SCAF8: variants seen among roughly 807,000 people sequenced by gnomAD.
SCAF8 encodes the protein SR-related and CTD-associated factor 8.
Under a neutral mutation model 140.5 loss-of-function variants are expected in SCAF8, and 23 were observed. The ratio of observed to expected loss-of-function variants is 0.16; its 90% confidence interval spans 0.12 to 0.23. The LOEUF (loss-of-function observed/expected upper bound fraction) is 0.23, where lower values mean the gene tolerates loss of function less well. SCAF8 is among the 10% of genes least tolerant of loss of function. The pLI is 1.00. For missense variants in SCAF8, 1,397 were observed against 1,555.7 expected (o/e 0.90, Z 1.72); for synonymous variants, 575 against 528.9 (o/e 1.09, Z -1.20).
chr6:154,796,353 T>TTCCCTCTCTCTCTCTCTCTCTCTCTC (rs772760237), intron 6 of SCAF8, among the ~76,000 whole-genome samples: 5 of 75,248 alleles, frequency 6.6e-5, no homozygotes, highest in Middle Eastern at 6.3e-3. Flanking sequence ...TGCAATCCTG[T>TTCCCTCTCTCTCTCTCTCTCTCTCTC]TCTCTCTCTC....
intron 1 of SCAF8, among the ~76,000 whole-genome samples, chr6:154,767,414 G>A (rs1776608825): frequency 6.7e-6 from 1 of 149,716 alleles, no homozygotes; most frequent in Non-Finnish European, 1.5e-5. Context: ...ACTTTCATCT[G>A]CAAAAACCTG....
Position 154,733,744 on chromosome 6 carries a change from G to T in SCAF8, c.-157G>T. 1 of 1,333,222 alleles carries T rather than the reference G, an allele frequency of 7.5e-7. No individual in the cohort carries two copies. The highest frequency in any genetic ancestry group is 9.6e-7 in the Non-Finnish European group (1 of 1,045,304). 82.6% of individuals were successfully genotyped at this position (1,333,222 alleles called of 1,614,324 possible). ...GCTGAGGGAGCCCTTCCCCGCCAGC[G>T]CGTGCCCTTCCACTCCGCCCCGAGG... On this transcript the variant is annotated 5_prime_UTR_variant, in exon 1 of 20. Transcript: ENST00000367178.
At chr6:154,794,938 T>TA in intron 5 of SCAF8, 71 bp from the exon 6 acceptor site, 1 of 1,367,764 alleles carries the variant, frequency 7.3e-7, no homozygotes, top group South Asian at 1.4e-5. Context: ...TAAAACAAGT[T>TA]ATTCTGCTTT....
At chr6:154,791,154 C>G (rs755234338) in intron 4 of SCAF8, among the ~76,000 whole-genome samples, 1 of 152,162 alleles carries the variant, frequency 6.6e-6, no homozygotes, top group Non-Finnish European at 1.5e-5. Context: ...GCATATTTTT[C>G]TGCCTATTAA....
chr6:154,769,634 T>C (rs1776679652), intron 1 of SCAF8, among the ~76,000 whole-genome samples: 1 of 152,244 alleles, frequency 6.6e-6, no homozygotes, highest in Non-Finnish European at 1.5e-5. Flanking sequence ...ATACGATGTT[T>C]CTGTGAAAAC....
At chr6:154,733,388 G>A (rs763255637), upstream of SCAF8, 2 of 1,347,074 alleles carry the variant, frequency 1.5e-6, no homozygotes, top group South Asian at 3.6e-5. Flanking sequence ...GCGGATCCCC[G>A]AACTGCGCGG....
At position 154,762,443 on chromosome 6, in the gene SCAF8, T is replaced by G. The variant is rs1043404760; in HGVS notation, c.31-11546T>G. On this transcript the variant is annotated intron_variant, in intron 1 of 19. Transcript: ENST00000367178. Reference sequence around the variant, plus strand: ...TCAGTTTCTAGTGGCTACCCTCATGTCCTAGTAGCCATTGGTCCCATTTCT... The same window carrying G: ...TCAGTTTCTAGTGGCTACCCTCATGGCCTAGTAGCCATTGGTCCCATTTCT... Among the ~76,000 whole-genome samples, 25 of 152,244 alleles carry G rather than the reference T, an allele frequency of 1.6e-4. 1 individual carries two copies. Among genetic ancestry groups the G allele is most frequent in the African/African-American group, 5.5e-4 (23 of 41,530 alleles).
At chr6:154,759,351 G>C (rs914830406) in intron 1 of SCAF8, among the ~76,000 whole-genome samples, 1 of 152,156 alleles carries the variant, frequency 6.6e-6, no homozygotes, top group African/African-American at 2.4e-5. Context: ...TTTGGTTTTA[G>C]GGGAGAGTTG....
At chr6:154,810,878 C>T (rs530199923) in intron 12 of SCAF8, among the ~76,000 whole-genome samples, 4 of 152,124 alleles carry the variant, frequency 2.6e-5, no homozygotes, top group South Asian at 2.1e-4. Context: ...TACATAAAAT[C>T]GAACAAATTG....
At chr6:154,796,355 C>CCCTCTCTCTG (rs774665105) in intron 6 of SCAF8, among the ~76,000 whole-genome samples, 1 of 86,596 alleles carries the variant, frequency 1.2e-5, no homozygotes, top group African/African-American at 5.0e-5. Context: ...CAATCCTGTT[C>CCCTCTCTCTG]TCTCTCTCTC....
At chr6:154,790,873 G>T (rs1054493492) in intron 4 of SCAF8, among the ~76,000 whole-genome samples, 1 of 151,996 alleles carries the variant, frequency 6.6e-6, no homozygotes, top group African/African-American at 2.4e-5. Flanking sequence ...GTGGCATCAC[G>T]ATAGTAGTAA....
intron 4 of SCAF8, among the ~76,000 whole-genome samples, chr6:154,792,399 C>A (rs1310276472): frequency 1.3e-5 from 2 of 152,154 alleles, no homozygotes; most frequent in Admixed American, 1.3e-4. Context: ...CTTTGTCCTA[C>A]AAGTTACGTA....
intron 1 of SCAF8, among the ~76,000 whole-genome samples, chr6:154,740,529 CTG>C (rs1017268993): frequency 6.6e-6 from 1 of 151,994 alleles, no homozygotes; most frequent in Non-Finnish European, 1.5e-5. Flanking sequence ...AGGACAGTGA[CTG>C]TATTTCCTTT....
intron 1 of SCAF8, among the ~76,000 whole-genome samples, chr6:154,750,998 G>C (rs1024246199): frequency 1.3e-5 from 2 of 152,208 alleles, no homozygotes; most frequent in Non-Finnish European, 2.9e-5. Flanking sequence ...AAGGTGGACT[G>C]TGTGGATCCC....
intron 15 of SCAF8, 120 bp from the exon 16 acceptor site, chr6:154,822,156 A>G (rs1308353487): frequency 9.9e-7 from 1 of 1,012,000 alleles, no homozygotes; most frequent in African/African-American, 1.6e-5. Context: ...ACGGTTGTGG[A>G]TATATCTTAA....
intron 13 of SCAF8, among the ~76,000 whole-genome samples, chr6:154,817,076 A>G (rs1396416578): frequency 2.0e-5 from 3 of 152,178 alleles, no homozygotes; most frequent in Non-Finnish European, 2.9e-5. Flanking sequence ...TTCAGAGTCT[A>G]TAATCATATA....
chr6:154,809,243 G>C (rs1480329215), intron 11 of SCAF8, among the ~76,000 whole-genome samples: 1 of 152,048 alleles, frequency 6.6e-6, no homozygotes, highest in Non-Finnish European at 1.5e-5. Context: ...TTCTTTATGA[G>C]CTTAACTTAA....
rs376538337 is a variant in SCAF8, at chr6:154,833,170, T to C, written c.3591T>C (p.Asp1197=). The C allele has an allele frequency of 1.9e-6, 3 of 1,614,000 alleles. No homozygotes were observed. Among genetic ancestry groups the C allele is most frequent in the Non-Finnish European group, 2.5e-6 (3 of 1,180,006 alleles). The change falls in exon 20 of 20, where the codon GAT becomes GAC. Residue 1197 remains aspartate (D), a synonymous_variant. Transcript: ENST00000367178. ...WVPPPHARVF[D]YFEGATSQRK... ...CCCCTCCTCATGCTCGGGTTTTTGA[T>C]TATTTTGAAGGGGCCACTTCTCAAC...
intron 1 of SCAF8, among the ~76,000 whole-genome samples, chr6:154,768,898 A>G (rs1209041158): frequency 2.0e-5 from 3 of 152,190 alleles, no homozygotes; most frequent in African/African-American, 7.2e-5. Flanking sequence ...CCCTGTCTCT[A>G]CTAAAAATAC....
Sources: gnomAD v4.1 joint callset for allele counts (sites outside exome capture counted in the v4.1 genomes callset) on GRCh38, gnomAD v4.1.1 for gene constraint, MANE v1.5 for transcripts, NCBI Gene and HGNC (gene_info 2026-07-23, HGNC 2026-07-21) for gene names.